Variants in RAB8B observed in about 807,000 individuals in gnomAD.
RAB8B encodes the protein ras-related protein Rab-8B.
Under a neutral mutation model 32.0 loss-of-function variants are expected in RAB8B, and 11 were observed. That is an observed-to-expected ratio of 0.34 (90% confidence interval 0.22 to 0.57). The LOEUF (loss-of-function observed/expected upper bound fraction) is 0.57, where lower values mean the gene tolerates loss of function less well. RAB8B is among the 20% of genes least tolerant of loss of function. The pLI, the probability that RAB8B is intolerant of heterozygous loss-of-function variation, is 0.86. For missense variants in RAB8B, 190 were observed against 258.5 expected, an observed-to-expected ratio of 0.73 and a Z score of 1.82; for synonymous variants, 103 against 89.6, an observed-to-expected ratio of 1.15 and a Z score of -0.85.
intron 1 of RAB8B, among the ~76,000 whole-genome samples, chr15:63,227,548 T>C (rs1331344216): frequency 6.6e-6 from 1 of 152,278 alleles, no homozygotes; most frequent in Non-Finnish European, 1.5e-5. Flanking sequence ...GAGGTTAATT[T>C]ACAAGTTGAT....
chr15:63,219,777 CTG>C (rs2037827979), intron 1 of RAB8B, among the ~76,000 whole-genome samples: 1 of 152,142 alleles, frequency 6.6e-6, no homozygotes, highest in Admixed American at 6.5e-5. Flanking sequence ...TGAAAGAAAA[CTG>C]GGTCTTTTAC....
rs2038246314 is a variant in RAB8B at position 63,266,186 on chromosome 15, T to A, written c.*2567T>A. ...GTCTTATGGATAAGGTACATGAAGA[T>A]TTTTGCAGCAGTATTAGTGGTTCAG... is the stretch of plus-strand genomic sequence containing the variant. On this transcript the variant is annotated 3_prime_UTR_variant, in exon 8 of 8. Coordinates refer to ENST00000321437, the MANE Select transcript of RAB8B (RefSeq NM_016530.3). 1 of 152,574 alleles carries A rather than the reference T, an allele frequency of 6.6e-6. No homozygotes were observed. The highest frequency in any genetic ancestry group is 6.5e-5 in the Admixed American group (1 of 15,280). 9.5% of individuals were successfully genotyped at this position (152,574 alleles called of 1,614,324 possible). A position where few individuals can be genotyped will look rare whatever the true frequency, so the allele number is the denominator to read the frequency against.
chr15:63,214,408 C>T (rs1386445729), intron 1 of RAB8B, among the ~76,000 whole-genome samples: 1 of 150,468 alleles, frequency 6.6e-6, no homozygotes, highest in African/African-American at 2.4e-5. Context: ...TCTCCTGCCT[C>T]AGCCTCCCGG....
chr15:63,243,500 G>A (rs2038048320), intron 1 of RAB8B, among the ~76,000 whole-genome samples: 1 of 152,152 alleles, frequency 6.6e-6, no homozygotes, highest in African/African-American at 2.4e-5. Context: ...TGATAAATAA[G>A]TTTTGAGCTA....
At chr15:63,220,159 A>G (rs186696755) in intron 1 of RAB8B, among the ~76,000 whole-genome samples, 3 of 152,318 alleles carry the variant, frequency 2.0e-5, no homozygotes, top group Admixed American at 6.5e-5. Flanking sequence ...CAGTGTGTTG[A>G]ATTTTTAAAA....
At chr15:63,217,177 A>G (rs2037799700) in intron 1 of RAB8B, among the ~76,000 whole-genome samples, 1 of 152,242 alleles carries the variant, frequency 6.6e-6, no homozygotes, top group African/African-American at 2.4e-5. Context: ...AAGGAATTCA[A>G]ATGTACTTCG....
At chr15:63,262,251 T>G (rs969746131) in intron 6 of RAB8B, among the ~76,000 whole-genome samples, 6 of 152,152 alleles carry the variant, frequency 3.9e-5, no homozygotes, top group Non-Finnish European at 7.3e-5. Flanking sequence ...CTTGGTGTAC[T>G]GAAGAAGTTA....
rs959092857 is a variant in RAB8B, at chr15:63,265,658, T to C, written c.*2039T>C. The stretch of plus-strand genomic sequence containing the variant: ...ATTCTCTTAGTAATTTACCTCTGAC[T>C]ATTTGGTGTCTTAACGCTTTGGTTT... On this transcript the variant is annotated 3_prime_UTR_variant, in exon 8 of 8. Coordinates refer to ENST00000321437, the MANE Select transcript of RAB8B (RefSeq NM_016530.3). The surrounding 1 kb of genome is among the most constrained non-coding windows in gnomAD (Gnocchi z 4.9). The C allele has an allele frequency of 1.7e-4, 26 of 152,626 alleles. No homozygotes were observed. The highest frequency in any genetic ancestry group is 5.1e-4 in the African/African-American group (21 of 41,478). The allele number at this position is 152,626 out of a possible 1,614,324, so 9.5% of individuals were successfully genotyped here. A position where few individuals can be genotyped will look rare whatever the true frequency, so the allele number is the denominator to read the frequency against.
intron 5 of RAB8B, among the ~76,000 whole-genome samples, chr15:63,257,099 A>ATGG (rs2038164259): frequency 6.6e-6 from 1 of 152,144 alleles, no homozygotes; most frequent in Non-Finnish European, 1.5e-5. Context: ...GTTTATGGGC[A>ATGG]TGGGCATTTC....
intron 3 of RAB8B, among the ~76,000 whole-genome samples, chr15:63,250,300 A>G (rs2038106857): frequency 6.6e-6 from 1 of 152,126 alleles, no homozygotes; most frequent in Non-Finnish European, 1.5e-5. Context: ...TTAATACCTT[A>G]TGGCAGTCGT....
chr15:63,224,911 C>T (rs1354751755), intron 1 of RAB8B, among the ~76,000 whole-genome samples: 1 of 152,154 alleles, frequency 6.6e-6, no homozygotes, highest in East Asian at 1.9e-4. Context: ...GAGGGGAGAT[C>T]AGATATCAGA....
rs879420544 is a variant in RAB8B at position 63,226,880 on chromosome 15, G to T, written c.125-17876G>T. On this transcript the variant is annotated intron_variant, in intron 1 of 7. Coordinates refer to ENST00000321437, the MANE Select transcript of RAB8B (RefSeq NM_016530.3). ...GGGCAGCTGGTTGCCCATTTTTATGGTTTTTTTTTAAATGATATTGCTAAA... is the reference window on the plus strand; with the variant it reads ...GGGCAGCTGGTTGCCCATTTTTATGTTTTTTTTTTAAATGATATTGCTAAA... 5.9e-5 allele frequency among the ~76,000 whole-genome samples: 9 copies of T among 152,026 alleles called. No individual in the cohort carries two copies. In the East Asian group the frequency reaches 9.7e-4, roughly 16 times the overall value.
chr15:63,254,848 C>G (rs964807680), intron 3 of RAB8B, among the ~76,000 whole-genome samples: 1 of 151,942 alleles, frequency 6.6e-6, no homozygotes, highest in African/African-American at 2.4e-5. Context: ...GGAGGTGGAG[C>G]TTGCAGTGAG....
At position 63,255,570 on chromosome 15, in the gene RAB8B, A is replaced by G. The variant is rs2038152530; in HGVS notation, c.310A>G (p.Arg104Gly). Residue 104 changes from arginine (R) to glycine (G), a missense_variant, in exon 4 of 8, where the codon AGA becomes GGA. This residue lies in a region of RAB8B where 80 missense variants were observed against 142.6 expected (regional missense o/e 0.56). Coordinates refer to ENST00000321437, the MANE Select transcript of RAB8B (RefSeq NM_016530.3). ...CTTTGACAATATTAAAAATTGGATC[A>G]GAAACATTGAAGAGGTATGTGTGGA... Reference protein sequence around the residue: ...KSFDNIKNWIRNIEEHASSDV... With the variant: ...KSFDNIKNWIGNIEEHASSDV... The G allele has an allele frequency of 6.2e-7, 1 of 1,601,186 alleles. No individual in the cohort carries two copies.
At chr15:63,217,766 T>C (rs2037806259) in intron 1 of RAB8B, among the ~76,000 whole-genome samples, 1 of 152,220 alleles carries the variant, frequency 6.6e-6, no homozygotes, top group Non-Finnish European at 1.5e-5. Context: ...AAAGACAGTT[T>C]TTCGGGAGAG....
Position 63,264,572 on chromosome 15 carries a change from A to G in RAB8B, c.*953A>G, listed in dbSNP as rs981957249. The G allele has an allele frequency of 1.3e-5, 2 of 152,216 alleles. No individual in the cohort carries two copies. The highest frequency in any genetic ancestry group is 6.5e-5 in the Admixed American group (1 of 15,280). The allele number at this position is 152,216 out of a possible 1,614,324, so 9.4% of individuals were successfully genotyped here. A position where few individuals can be genotyped will look rare whatever the true frequency, so the allele number is the denominator to read the frequency against. On this transcript the variant is annotated 3_prime_UTR_variant, in exon 8 of 8. Transcript: ENST00000321437. ...CTCCTTAGCTGGCTGGTTTAGTTGTAATACCAAATTCCTACCATAATCCCT... is the reference window on the plus strand; with the variant it reads ...CTCCTTAGCTGGCTGGTTTAGTTGTGATACCAAATTCCTACCATAATCCCT...
At position 63,248,328 on chromosome 15, in the gene RAB8B, A is replaced by G. The variant is rs951491248; in HGVS notation, c.186-1317A>G. Among the ~76,000 whole-genome samples the G allele has an allele frequency of 6.6e-6, 1 of 152,142 alleles. No homozygotes were observed. Among genetic ancestry groups the G allele is most frequent in the Non-Finnish European group, 1.5e-5 (1 of 68,028 alleles). ...GGAGTTTGAGACCAGCCTGGTTAAT[A>G]TGGTGAAACCCCATCTCTATTAAAA... On this transcript the variant is annotated intron_variant, in intron 2 of 7. Transcript: ENST00000321437. This position sits in a 1 kb window ranked among gnomAD's most constrained non-coding sequence, Gnocchi z 4.4.
chr15:63,209,505 C>T (rs1396250988), intron 1 of RAB8B, among the ~76,000 whole-genome samples: 3 of 151,918 alleles, frequency 2.0e-5, no homozygotes, highest in African/African-American at 4.8e-5. Flanking sequence ...GCAGGAGAAT[C>T]GCTTGAACCC....
chr15:63,191,416 T>C (rs1366379518), intron 1 of RAB8B, among the ~76,000 whole-genome samples: 8 of 152,246 alleles, frequency 5.3e-5, no homozygotes, highest in Non-Finnish European at 1.0e-4. Context: ...CTGGGTGTTA[T>C]GATGTCTGGG....
Sources: allele counts gnomAD v4.1 joint callset (sites outside exome capture counted in the v4.1 genomes callset), GRCh38; gene constraint gnomAD v4.1.1; regional missense constraint gnomAD v4.1.1; non-coding constraint Gnocchi (gnomAD v3.1); transcripts MANE v1.5; gene names NCBI Gene and HGNC (gene_info 2026-07-23, HGNC 2026-07-21).